Variants in TRAPPC8 observed in about 807,000 individuals in gnomAD.
The protein encoded by TRAPPC8 is general sporulation gene 1 homolog.
Under a neutral mutation model 174.3 loss-of-function variants are expected in TRAPPC8, and 54 were observed. That is an observed-to-expected ratio of 0.31 (90% CI 0.25 to 0.39). The LOEUF (loss-of-function observed/expected upper bound fraction) is 0.39, where lower values mean the gene tolerates loss of function less well. Ranked by LOEUF, TRAPPC8 falls within the 10% of genes least tolerant of loss-of-function variation. The probability of loss-of-function intolerance (pLI) is 1.00; values close to 1 mark genes in which losing one functional copy is unlikely to be tolerated. For missense variants in TRAPPC8, 1,531 were observed against 1,699.1 expected (o/e 0.90, Z 1.74); for synonymous variants, 630 against 579.9 (o/e 1.09, Z -1.24).
intron 12 of TRAPPC8, among the ~76,000 whole-genome samples, chr18:31,884,889 T>C (rs949515334): frequency 6.6e-6 from 1 of 151,000 alleles, no homozygotes; most frequent in Non-Finnish European, 1.5e-5. Context: ...AGCCTCACTG[T>C]GTAGCCCAGG....
chr18:31,834,089 G>T (rs1169456851), intron 27 of TRAPPC8, among the ~76,000 whole-genome samples: 21 of 55,424 alleles, frequency 3.8e-4, no homozygotes, highest in Admixed American at 3.0e-3. Context: ...TCACATTTTG[G>T]TTGTTGTTGT....
intron 2 of TRAPPC8, among the ~76,000 whole-genome samples, chr18:31,930,899 A>G (rs772345452): frequency 6.6e-6 from 1 of 152,234 alleles, no homozygotes; most frequent in Non-Finnish European, 1.5e-5. Flanking sequence ...ATACATATGT[A>G]CATATATGAT....
chr18:31,860,112 A>G (rs2034251361), intron 19 of TRAPPC8, among the ~76,000 whole-genome samples: 2 of 152,224 alleles, frequency 1.3e-5, no homozygotes, highest in Non-Finnish European at 2.9e-5. Flanking sequence ...AGCTTCAAAT[A>G]TAAATGGAAA....
chr18:31,921,921 T>G (rs1031370854), intron 2 of TRAPPC8, among the ~76,000 whole-genome samples: 4 of 152,196 alleles, frequency 2.6e-5, no homozygotes, highest in African/African-American at 9.6e-5. Flanking sequence ...AATTTATCAG[T>G]TGTTCCCCCT....
In TRAPPC8 at chr18:31,933,013, A is replaced by C. The variant is rs1268248739; in HGVS notation, c.158-1490T>G. On this transcript the variant is annotated intron_variant, in intron 1 of 28. Transcript: ENST00000283351. ...ACTCCGTCTCAAAAAAAAAAAAAAA[A>C]AAAAAAAGCCGGGCGCAGTGGCTCA... 2.7e-5 allele frequency among the ~76,000 whole-genome samples: 4 copies of C among 147,558 alleles called. No individual in the cohort carries two copies. In the East Asian group the frequency reaches 7.8e-4, roughly 29 times the overall value.
At chr18:31,862,270 A>G (rs1266699376) in intron 19 of TRAPPC8, among the ~76,000 whole-genome samples, 5 of 152,118 alleles carry the variant, frequency 3.3e-5, no homozygotes, top group African/African-American at 4.8e-5. Flanking sequence ...CAAAGCCTGG[A>G]CGAAAATGGC....
intron 1 of TRAPPC8, among the ~76,000 whole-genome samples, chr18:31,940,348 C>T (rs1178116563): frequency 1.3e-5 from 2 of 151,756 alleles, no homozygotes; most frequent in Non-Finnish European, 2.9e-5. Context: ...GCCTGTAATC[C>T]CAGCTACTCG....
rs748726669 is a variant in TRAPPC8, at chr18:31,942,982, C to A, written c.-218G>T. 1.3e-3 allele frequency: 1,247 copies of A among 966,490 alleles called. 5 individuals carry two copies. The highest frequency in any genetic ancestry group is 1.6e-3 in the Non-Finnish European group (1,185 of 743,724). The allele number at this position is 966,490 out of a possible 1,614,324, so 59.9% of individuals were successfully genotyped here. ...CCTTCCCGTCACCGCCGCTTCTCAG[C>A]GCTCGTCCCCGCGTGCTCGCATTCC... On this transcript the variant is annotated 5_prime_UTR_variant, in exon 1 of 29. Coordinates refer to ENST00000283351, the MANE Select transcript of TRAPPC8 (RefSeq NM_014939.5).
intron 17 of TRAPPC8, 93 bp from the exon 18 acceptor site, chr18:31,867,068 A>C: frequency 8.2e-6 from 11 of 1,343,446 alleles, no homozygotes; most frequent in Non-Finnish European, 1.1e-5. Flanking sequence ...ACATAAACTC[A>C]TGACCTAAAC....
chr18:31,867,616 C>A, intron 16 of TRAPPC8, 140 bp from the exon 17 acceptor site: 1 of 626,288 alleles, frequency 1.6e-6, no homozygotes, highest in Non-Finnish European at 2.8e-6. Flanking sequence ...CTGAGCTCTA[C>A]ACAAAGTGTT....
Position 31,857,976 on chromosome 18 carries a change from A to G in TRAPPC8, c.2752T>C (p.Phe918Leu). ...TEEMPLLEVF[F>L]IHFPTGLLCG... is the part of the protein sequence containing the mutation. ...AGAAGCCCTGTAGGAAAATGTATAA[A>G]GAACACCTGCATTGGAGGGAAAAAA... is the stretch of plus-strand genomic sequence containing the variant. Residue 918 changes from phenylalanine (F) to leucine (L), a missense_variant, in exon 20 of 29, where the codon TTT becomes CTT. Coordinates refer to ENST00000283351, the MANE Select transcript of TRAPPC8 (RefSeq NM_014939.5). 6.2e-7 allele frequency: 1 copy of G among 1,600,748 alleles called. No homozygotes were observed. The highest frequency in any genetic ancestry group is 1.3e-5 in the African/African-American group (1 of 74,144).
chr18:31,914,314 T>C (rs1319881222), intron 4 of TRAPPC8, among the ~76,000 whole-genome samples: 1 of 152,212 alleles, frequency 6.6e-6, no homozygotes, highest in Non-Finnish European at 1.5e-5. Context: ...TTTGTATAAA[T>C]GCAGATGCAT....
chr18:31,931,972 T>TA (rs2037865648), intron 1 of TRAPPC8, among the ~76,000 whole-genome samples: 1 of 152,204 alleles, frequency 6.6e-6, no homozygotes. Flanking sequence ...CCTGCATTCT[T>TA]AGCCTCTTTT....
intron 22 of TRAPPC8, chr18:31,852,983 T>TC: frequency 7.3e-6 from 2 of 272,246 alleles, no homozygotes; most frequent in Non-Finnish European, 1.4e-5. Context: ...CTCTACCACT[T>TC]CTTCATTTCC....
At chr18:31,897,721 A>C in intron 11 of TRAPPC8, 65 bp downstream of exon 11, 1 of 1,192,466 alleles carries the variant, frequency 8.4e-7, no homozygotes, top group Non-Finnish European at 1.1e-6. Flanking sequence ...TCAAGAAAAA[A>C]GATACATCTT....
chr18:31,833,405 C>T (rs2032495706), intron 27 of TRAPPC8: 1 of 152,164 alleles, frequency 6.6e-6, no homozygotes, highest in Non-Finnish European at 1.5e-5. Flanking sequence ...AAGTATCATA[C>T]TGATTCCTCC....
chr18:31,935,431 A>G (rs2038046297), intron 1 of TRAPPC8, among the ~76,000 whole-genome samples: 1 of 149,058 alleles, frequency 6.7e-6, no homozygotes, highest in Non-Finnish European at 1.5e-5. Context: ...CCAGTGGCTC[A>G]AGCCAGCTAC....
chr18:31,871,768 T>C (rs1480623089), intron 14 of TRAPPC8, among the ~76,000 whole-genome samples: 2 of 152,326 alleles, frequency 1.3e-5, no homozygotes, highest in East Asian at 1.9e-4. Flanking sequence ...TATGTGAATA[T>C]ACAAAACCAT....
At chr18:31,871,368 A>G (rs1003596742) in intron 14 of TRAPPC8, among the ~76,000 whole-genome samples, 1 of 152,078 alleles carries the variant, frequency 6.6e-6, no homozygotes, top group African/African-American at 2.4e-5. Flanking sequence ...AGCAATTTTT[A>G]TATAAAACAT....
Sources: gnomAD v4.1 joint callset for allele counts (sites outside exome capture counted in the v4.1 genomes callset) on GRCh38, gnomAD v4.1.1 for gene constraint, MANE v1.5 for transcripts, NCBI Gene and HGNC (gene_info 2026-07-23, HGNC 2026-07-21) for gene names.